SHROOM4: variants seen among roughly 807,000 people sequenced by gnomAD.
The protein encoded by SHROOM4 is shroom family member 4.
SHROOM4 carries 17 observed loss-of-function variants against 80.3 expected under a neutral mutation model. That is an observed-to-expected ratio of 0.21 (90% CI 0.14 to 0.32). SHROOM4 has a LOEUF of 0.32. Among genes scored for constraint, SHROOM4 ranks in the 10% least tolerant of loss-of-function variants. SHROOM4 has a pLI of 1.00. For synonymous variants in SHROOM4, 400 were observed against 437.5 expected, an observed-to-expected ratio of 0.91 and a Z score of 1.07; for missense variants, 993 against 1,140.3, an observed-to-expected ratio of 0.87 and a Z score of 1.86.
At chrX:50,607,052 CA>C (rs782285349) in intron 6 of SHROOM4, among the ~76,000 whole-genome samples, 12 of 109,698 alleles carry the variant, frequency 1.1e-4, no homozygotes, top group African/African-American at 3.0e-4. Context: ...CCTTTGGGAT[CA>C]GGGGCCAGAA....
chrX:50,740,090 C>G (rs1489752168), intron 1 of SHROOM4, among the ~76,000 whole-genome samples: 5 of 71,945 alleles, frequency 6.9e-5, no homozygotes, highest in African/African-American at 2.7e-4. Context: ...GGACAAAAAA[C>G]CAAACACCGC....
At chrX:50,581,610 G>A in the SHROOM4 span, among the ~76,000 whole-genome samples, 1 of 111,641 alleles carries the variant, frequency 9.0e-6, no homozygotes, top group African/African-American at 3.3e-5. Flanking sequence ...ACCATTAGAG[G>A]GTAATTAACC....
At chrX:50,730,963 T>G (rs1245241482) in intron 1 of SHROOM4, among the ~76,000 whole-genome samples, 3 of 110,410 alleles carry the variant, frequency 2.7e-5, no homozygotes, top group Non-Finnish European at 5.7e-5. Flanking sequence ...GAATAAAAAA[T>G]GGTAAATGAG....
downstream of SHROOM4, among the ~76,000 whole-genome samples, chrX:50,585,518 G>C (rs531135162): frequency 1.3e-4 from 15 of 111,468 alleles, no homozygotes; most frequent in South Asian, 5.7e-3. Flanking sequence ...ACAGGAGACA[G>C]AACATGAAGG....
intron 2 of SHROOM4, among the ~76,000 whole-genome samples, chrX:50,671,352 C>A (rs1323438645): frequency 3.6e-5 from 4 of 111,940 alleles, no homozygotes; most frequent in Non-Finnish European, 7.5e-5. Flanking sequence ...TAAATTGAGG[C>A]ACTGAATTCT....
At chrX:50,778,908 A>G (rs1007890795) in intron 1 of SHROOM4, among the ~76,000 whole-genome samples, 1 of 111,661 alleles carries the variant, frequency 9.0e-6, no homozygotes, top group Non-Finnish European at 1.9e-5. Context: ...ATGTGCCTCA[A>G]TTGCCTCATC....
intron 1 of SHROOM4, among the ~76,000 whole-genome samples, chrX:50,756,762 CAT>C (rs1474636860): frequency 8.9e-6 from 1 of 111,812 alleles, no homozygotes; most frequent in Non-Finnish European, 1.9e-5. Flanking sequence ...TATCTGTTCA[CAT>C]GTTTATTTGC....
the SHROOM4 span, among the ~76,000 whole-genome samples, chrX:50,575,877 A>G: frequency 8.9e-6 from 1 of 111,933 alleles, no homozygotes; most frequent in Admixed American, 9.5e-5. Flanking sequence ...AGTTCCATGA[A>G]TCCTCAATCC....
intron 1 of SHROOM4, among the ~76,000 whole-genome samples, chrX:50,763,697 G>C (rs1228404273): frequency 9.0e-6 from 1 of 111,428 alleles, no homozygotes; most frequent in African/African-American, 3.3e-5. Flanking sequence ...CTAGTGATTG[G>C]TCAGAATTGT....
chrX:50,622,405 T>G (rs1166714564), intron 5 of SHROOM4, among the ~76,000 whole-genome samples: 1 of 112,141 alleles, frequency 8.9e-6, no homozygotes, highest in Non-Finnish European at 1.9e-5. Context: ...GAAAATAACT[T>G]ATTTTGGCTT....
At chrX:50,689,354 C>T (rs782765748) in intron 2 of SHROOM4, among the ~76,000 whole-genome samples, 5 of 111,689 alleles carry the variant, frequency 4.5e-5, no homozygotes, top group East Asian at 2.8e-4. Flanking sequence ...AATGATGGTT[C>T]GGAAGTTGTC....
chrX:50,591,212 C>A lies in SHROOM4; in HGVS notation c.*5483G>T, dbSNP rs968832544. Among the ~76,000 whole-genome samples, 4 of 112,220 alleles carry A rather than the reference C, an allele frequency of 3.6e-5. No homozygotes were observed. The Admixed American group carries it at 3.8e-4, about 11-fold the overall frequency. On this transcript the variant is annotated 3_prime_UTR_variant, in exon 9 of 9. Coordinates refer to ENST00000376020, the MANE Select transcript of SHROOM4 (RefSeq NM_020717.5). ...CTTGTTGAAATTAACTAACCATATA[C>A]ATGAGGATTTATTTCTGGACTCTCA...
chrX:50,585,282 T>C (rs1308217167), downstream of SHROOM4, among the ~76,000 whole-genome samples: 1 of 111,558 alleles, frequency 9.0e-6, no homozygotes, highest in African/African-American at 3.3e-5. Context: ...CTGTTATTAG[T>C]ATATCAACAG....
At chrX:50,625,765 CATTTATCAT>C (rs1345917827) in intron 5 of SHROOM4, among the ~76,000 whole-genome samples, 1 of 111,539 alleles carries the variant, frequency 9.0e-6, no homozygotes, top group Non-Finnish European at 1.9e-5. Flanking sequence ...TAAAGGGCCA[CATTTATCAT>C]ATCACTTACC....
In SHROOM4 at chrX:50,673,704, T is replaced by C. The variant is rs139642274; in HGVS notation, c.269+22082A>G. Reference sequence around the variant, plus strand: ...GAAAGTACAAAGACAAAAAATATACTATGTAGATGTGAATGAAAGGAAAGA... The same window carrying C: ...GAAAGTACAAAGACAAAAAATATACCATGTAGATGTGAATGAAAGGAAAGA... On this transcript the variant is annotated intron_variant, in intron 2 of 8. Transcript: ENST00000376020. 2.9e-3 allele frequency among the ~76,000 whole-genome samples: 321 copies of C among 110,172 alleles called. 4 individuals are homozygous for C. The Middle Eastern group carries it at 0.052, about 18-fold the overall frequency.
At chrX:50,646,303 C>T (rs782266017) in intron 2 of SHROOM4, among the ~76,000 whole-genome samples, 9 of 111,385 alleles carry the variant, frequency 8.1e-5, no homozygotes, top group Middle Eastern at 4.6e-3. Flanking sequence ...CGAAGAAGCC[C>T]AAGCTCATTC....
intron 2 of SHROOM4, among the ~76,000 whole-genome samples, chrX:50,671,759 T>C (rs1315465557): frequency 4.4e-5 from 5 of 112,971 alleles, no homozygotes; most frequent in African/African-American, 1.6e-4. Flanking sequence ...TGTTTCACTT[T>C]TTTTATAATT....
chrX:50,577,726 A>G, the SHROOM4 span, among the ~76,000 whole-genome samples: 3 of 111,906 alleles, frequency 2.7e-5, no homozygotes, highest in South Asian at 1.1e-3. Flanking sequence ...ATCTCCAACC[A>G]TAGTTACCAG....
At chrX:50,723,375 AGG>A (rs1934168408) in intron 1 of SHROOM4, among the ~76,000 whole-genome samples, 1 of 16,415 alleles carries the variant, frequency 6.1e-5, no homozygotes, top group Non-Finnish European at 1.1e-4. Context: ...GGAGGGAGGG[AGG>A]GAGGGAGCAA....
Sources: allele counts gnomAD v4.1 joint callset (sites outside exome capture counted in the v4.1 genomes callset), GRCh38; gene constraint gnomAD v4.1.1; transcripts MANE v1.5; gene names NCBI Gene and HGNC (gene_info 2026-07-23, HGNC 2026-07-21).